The following GRIK1 variants were observed in gnomAD, a reference collection of about 807,000 sequenced individuals.
GRIK1 encodes glutamate receptor ionotropic, kainate 1.
A neutral mutation model predicts 105.7 loss-of-function variants in GRIK1; 69 were observed. The observed-to-expected ratio is 0.65, with a 90% CI of 0.54 to 0.80. The LOEUF is 0.80. Among genes scored for constraint, GRIK1 ranks in the 30% least tolerant of loss-of-function variants. GRIK1 has a pLI of 0.00. For synonymous variants in GRIK1, 438 were observed against 431.3 expected (o/e 1.02, Z -0.19); for missense variants, 1,109 against 1,167.3 (o/e 0.95, Z 0.73).
At chr21:29,622,921 A>G (rs978064413) in intron 7 of GRIK1, among the ~76,000 whole-genome samples, 2 of 152,130 alleles carry the variant, frequency 1.3e-5, no homozygotes, top group Non-Finnish European at 2.9e-5. Context: ...TTGTCTATTC[A>G]TGGTAATAAT....
chr21:29,830,922 G>A (rs1284661952), intron 1 of GRIK1, among the ~76,000 whole-genome samples: 1 of 152,050 alleles, frequency 6.6e-6, no homozygotes, highest in African/African-American at 2.4e-5. Flanking sequence ...TTAATTTGAA[G>A]CTAAATCACA....
intron 1 of GRIK1, among the ~76,000 whole-genome samples, chr21:29,771,604 C>T (rs780526208): frequency 3.3e-5 from 5 of 152,064 alleles, no homozygotes; most frequent in Non-Finnish European, 7.4e-5. Context: ...GTACCTGGCT[C>T]ATGGGAAAGG....
At chr21:29,659,789 C>T (rs540831580) in intron 4 of GRIK1, among the ~76,000 whole-genome samples, 154 of 152,076 alleles carry the variant, frequency 1.0e-3, no homozygotes, top group Non-Finnish European at 2.0e-3. Context: ...GGAGAAACCC[C>T]GTCTCTACTA....
chr21:29,609,477 CGTT>C (rs540012873), intron 7 of GRIK1, among the ~76,000 whole-genome samples: 87 of 152,236 alleles, frequency 5.7e-4, no homozygotes, highest in African/African-American at 2.0e-3. Flanking sequence ...CCACATTAAA[CGTT>C]GTTTCTGGGT....
chr21:29,734,648 C>CTGGG lies in GRIK1; in HGVS notation c.119-40589_119-40586dup, dbSNP rs1454994948. ...TCTTGGGCTCAAGAGATCCACCCCC[C>CTGGG]TGGGCCTCCCAAATTTCTTGGATTA... On this transcript the variant is annotated intron_variant, in intron 1 of 17. Coordinates refer to ENST00000327783, the MANE Select transcript of GRIK1 (RefSeq NM_001330994.2). 2.5e-4 allele frequency among the ~76,000 whole-genome samples: 38 copies of CTGGG among 152,232 alleles called. 1 individual carries two copies. Among genetic ancestry groups the CTGGG allele is most frequent in the Non-Finnish European group, 1.5e-5 (1 of 68,012 alleles).
intron 1 of GRIK1, among the ~76,000 whole-genome samples, chr21:29,859,845 AG>A (rs2068582747): frequency 6.6e-6 from 1 of 152,220 alleles, no homozygotes; most frequent in Non-Finnish European, 1.5e-5. Context: ...GAGCCCAGGC[AG>A]GTATTGTAAC....
At chr21:29,717,915 G>A (rs1463851586) in intron 1 of GRIK1, among the ~76,000 whole-genome samples, 2 of 152,122 alleles carry the variant, frequency 1.3e-5, no homozygotes, top group Non-Finnish European at 2.9e-5. Context: ...CTTGTATTGT[G>A]GGAGGGGCCC....
chr21:29,861,688 C>CAAATGTATTTTCTGCAT, intron 1 of GRIK1: 1 of 456,870 alleles, frequency 2.2e-6, no homozygotes, highest in South Asian at 1.6e-5. Flanking sequence ...TGGGTTTTGC[C>CAAATGTATTTTCTGCAT]AAATGTATTT....
chr21:29,845,904 C>T (rs28575714), intron 1 of GRIK1, among the ~76,000 whole-genome samples: 8,090 of 152,168 alleles, frequency 0.053, 508 homozygotes, highest in African/African-American at 0.15. Flanking sequence ...TCTCACTCAC[C>T]CTGTTACATG....
At chr21:29,710,959 T>C (rs113484878) in intron 1 of GRIK1, among the ~76,000 whole-genome samples, 1 of 151,958 alleles carries the variant, frequency 6.6e-6, no homozygotes, top group East Asian at 1.9e-4. Flanking sequence ...TCTTGGATTG[T>C]CGCCTTCCTA....
intron 1 of GRIK1, among the ~76,000 whole-genome samples, chr21:29,906,343 G>C (rs1290974343): frequency 2.0e-5 from 3 of 152,088 alleles, no homozygotes; most frequent in Non-Finnish European, 2.9e-5. Flanking sequence ...TTAAATGTTA[G>C]AAAACCTCTT....
chr21:29,884,908 A>G (rs1239717800), intron 1 of GRIK1, among the ~76,000 whole-genome samples: 1 of 152,006 alleles, frequency 6.6e-6, no homozygotes, highest in Non-Finnish European at 1.5e-5. Flanking sequence ...AAAGTTCCCA[A>G]ATCACACAGA....
intron 6 of GRIK1, among the ~76,000 whole-genome samples, chr21:29,648,574 C>A (rs973804914): frequency 3.3e-5 from 5 of 152,062 alleles, no homozygotes; most frequent in Non-Finnish European, 5.9e-5. Context: ...TCGCACTGGG[C>A]CTTTTCTAGT....
At chr21:29,655,971 T>C (rs145289215) in intron 4 of GRIK1, among the ~76,000 whole-genome samples, 7 of 152,284 alleles carry the variant, frequency 4.6e-5, no homozygotes, top group African/African-American at 1.7e-4. Context: ...GACAATTCTT[T>C]CTAAATATGA....
At chr21:29,709,875 A>G (rs1298226809) in intron 1 of GRIK1, among the ~76,000 whole-genome samples, 5 of 151,774 alleles carry the variant, frequency 3.3e-5, no homozygotes, top group African/African-American at 4.8e-5. Flanking sequence ...TCATAATGTA[A>G]TACTCTTCAA....
intron 4 of GRIK1, among the ~76,000 whole-genome samples, chr21:29,665,833 A>G (rs2063048296): frequency 6.6e-6 from 1 of 152,254 alleles, no homozygotes. Context: ...CAGACCTGTC[A>G]CTGAGTGTGT....
intron 1 of GRIK1, among the ~76,000 whole-genome samples, chr21:29,867,955 AG>A: frequency 2.0e-5 from 3 of 148,246 alleles, no homozygotes; most frequent in Non-Finnish European, 4.5e-5. Context: ...AGAAAGAGAG[AG>A]AAAATGAGAG....
At chr21:29,859,361 T>TA (rs778337885) in intron 1 of GRIK1, among the ~76,000 whole-genome samples, 163 of 146,646 alleles carry the variant, frequency 1.1e-3, no homozygotes, top group Non-Finnish European at 1.4e-3. Flanking sequence ...TAAAGTATAA[T>TA]AAAAAAGTAT....
intron 7 of GRIK1, among the ~76,000 whole-genome samples, chr21:29,616,984 C>T (rs914007847): frequency 2.0e-5 from 3 of 152,144 alleles, no homozygotes; most frequent in African/African-American, 7.2e-5. Flanking sequence ...TAGTTTCATT[C>T]TCTCTCTTGG....
Sources: gnomAD v4.1 joint callset for allele counts (sites outside exome capture counted in the v4.1 genomes callset) on GRCh38, gnomAD v4.1.1 for gene constraint, MANE v1.5 for transcripts, NCBI Gene and HGNC (gene_info 2026-07-23, HGNC 2026-07-21) for gene names.